PCDHGA2: variants seen among roughly 807,000 people sequenced by gnomAD.
PCDHGA2 encodes the protein protocadherin gamma subfamily A, 2.
PCDHGA2 carries 40 observed loss-of-function variants against 59.2 expected under a neutral mutation model. That is an observed-to-expected ratio of 0.68 (90% CI 0.52 to 0.88). The LOEUF is 0.88. Ranked by LOEUF, PCDHGA2 falls within the 40% of genes least tolerant of loss-of-function variation. PCDHGA2 has a pLI of 0.00. For synonymous variants in PCDHGA2, 560 were observed against 526.0 expected, an observed-to-expected ratio of 1.06 and a Z score of -0.89; for missense variants, 1,226 against 1,204.0, an observed-to-expected ratio of 1.02 and a Z score of -0.27.
At chr5:141,455,860 ATTATTTATTTATTTATTTAT>A (rs145569377) in intron 1 of PCDHGA2, among the ~76,000 whole-genome samples, 117 of 139,848 alleles carry the variant, frequency 8.4e-4, no homozygotes, top group Non-Finnish European at 9.4e-4. Flanking sequence ...AATTTCTTTT[ATTATTTATTTATTTATTTAT>A]TTATTTATTT....
chr5:141,431,460 A>C lies in PCDHGA2; in HGVS notation c.2425-63347A>C, dbSNP rs761879594. On this transcript the variant is annotated intron_variant, in intron 1 of 3. Coordinates refer to ENST00000394576, the MANE Select transcript of PCDHGA2 (RefSeq NM_018915.4). This position sits in a 1 kb window ranked among gnomAD's most constrained non-coding sequence, Gnocchi z 4.8. ...GCGCGCATCCGCGTGATGGTTCTGGATGCGAACGACAACGCACCAGCGTTT... is the reference window on the plus strand; with the variant it reads ...GCGCGCATCCGCGTGATGGTTCTGGCTGCGAACGACAACGCACCAGCGTTT... 8.1e-6 allele frequency: 13 copies of C among 1,613,676 alleles called. No individual in the cohort carries two copies. The highest frequency in any genetic ancestry group is 1.1e-5 in the Non-Finnish European group (13 of 1,179,984).
intron 1 of PCDHGA2, among the ~76,000 whole-genome samples, chr5:141,438,139 T>C (rs2097931816): frequency 6.6e-6 from 1 of 152,152 alleles, no homozygotes. Context: ...TGGCAAAAGA[T>C]AGCCAGCCTA....
At chr5:141,449,198 A>C (rs2098631518) in intron 1 of PCDHGA2, among the ~76,000 whole-genome samples, 1 of 152,188 alleles carries the variant, frequency 6.6e-6, no homozygotes, top group Non-Finnish European at 1.5e-5. Context: ...AAGAAGTGTT[A>C]ATTCTAACTT....
Position 141,486,200 on chromosome 5 carries a change from G to A in PCDHGA2, c.2425-8607G>A, listed in dbSNP as rs764874531. The stretch of plus-strand genomic sequence containing the variant: ...CAGCCTTCGAGTGGATCTGCTGGAC[G>A]TAAATGACAATGCCCCTTACATCAC... On this transcript the variant is annotated intron_variant, in intron 1 of 3. Transcript: ENST00000394576. The surrounding 1 kb of genome is among the most constrained non-coding windows in gnomAD (Gnocchi z 5.0). The A allele has an allele frequency of 2.0e-5, 32 of 1,614,096 alleles. No homozygotes were observed. Among genetic ancestry groups the A allele is most frequent in the Non-Finnish European group, 2.3e-5 (27 of 1,180,040 alleles).
chr5:141,366,534 T>C (rs1383417034), intron 1 of PCDHGA2: 2 of 1,614,264 alleles, frequency 1.2e-6, no homozygotes, highest in Non-Finnish European at 1.7e-6. Context: ...TTGGCGGGTG[T>C]GCCCGCCTCG....
At chr5:141,430,986 C>T (rs549700048) in intron 1 of PCDHGA2, 3 of 1,613,762 alleles carry the variant, frequency 1.9e-6, no homozygotes, top group East Asian at 2.2e-5. Flanking sequence ...CAGCTTTTCG[C>T]CCTGAATCCG....
At chr5:141,390,348 A>G in intron 1 of PCDHGA2, 1 of 1,572,378 alleles carries the variant, frequency 6.4e-7, no homozygotes, top group Middle Eastern at 1.7e-4. Flanking sequence ...ACAAGAAAAT[A>G]TACATATTTG....
At chr5:141,393,224 T>C in intron 1 of PCDHGA2, 1 of 1,613,670 alleles carries the variant, frequency 6.2e-7, no homozygotes, top group South Asian at 1.1e-5. Flanking sequence ...AGGTCGAAGA[T>C]CTAGAAGTAA....
At chr5:141,423,095 A>G (rs2096708889) in intron 1 of PCDHGA2, 3 of 1,613,978 alleles carry the variant, frequency 1.9e-6, no homozygotes, top group Non-Finnish European at 2.5e-6. Flanking sequence ...GTGGGGGAGC[A>G]CACGGGCGAG....
intron 1 of PCDHGA2, chr5:141,394,431 C>G: frequency 1.2e-6 from 2 of 1,614,252 alleles, no homozygotes; most frequent in Non-Finnish European, 1.7e-6. Context: ...CAGCGGGGAC[C>G]CGCCCCTCAG....
chr5:141,409,275 A>G (rs1266955919), intron 1 of PCDHGA2: 1 of 1,614,020 alleles, frequency 6.2e-7, no homozygotes, highest in South Asian at 1.1e-5. Flanking sequence ...CAGATTTTGG[A>G]GAATTCACCT....
Position 141,432,691 on chromosome 5 carries a change from G to T in PCDHGA2, c.2425-62116G>T. 1 of 1,613,942 alleles carries T rather than the reference G, an allele frequency of 6.2e-7. No individual in the cohort carries two copies. The highest frequency in any genetic ancestry group is 1.1e-5 in the South Asian group (1 of 91,068). On this transcript the variant is annotated intron_variant, in intron 1 of 3. Coordinates refer to ENST00000394576, the MANE Select transcript of PCDHGA2 (RefSeq NM_018915.4). This position sits in a 1 kb window ranked among gnomAD's most constrained non-coding sequence, Gnocchi z 6.0. ...ACGCGCTCAAGCAGAGCCTCGTAGT[G>T]GCCGTCCAGGACCACGGCCAGCCCC... is the stretch of plus-strand genomic sequence containing the variant.
At chr5:141,352,680 G>A in intron 1 of PCDHGA2, 1 of 1,568,674 alleles carries the variant, frequency 6.4e-7, no homozygotes, top group Non-Finnish European at 8.7e-7. Context: ...GTGAGTTTCT[G>A]CAAATCTAGT....
rs1438222047 is a variant in PCDHGA2, at chr5:141,340,330, C to A, written c.1359C>A (p.Ser453=). The change falls in exon 1 of 4, where the codon TCC becomes TCA. Residue 453 remains serine, a synonymous_variant. Transcript: ENST00000394576. The part of the protein sequence containing the change: ...ADINDNAPAF[S]RTSYSTYIPE... ...TCAACGACAACGCACCCGCCTTCTC[C>A]CGCACATCCTACTCCACCTACATTC... 6.2e-7 allele frequency: 1 copy of A among 1,614,042 alleles called. No homozygotes were observed. Among genetic ancestry groups the A allele is most frequent in the African/African-American group, 1.3e-5 (1 of 74,924 alleles).
At chr5:141,480,295 G>A (rs1190133739) in intron 1 of PCDHGA2, among the ~76,000 whole-genome samples, 2 of 133,330 alleles carry the variant, frequency 1.5e-5, no homozygotes, top group Admixed American at 7.4e-5. Context: ...TGCACCTGTG[G>A]TACCAGCTAC....
In PCDHGA2 at chr5:141,477,767, A is replaced by G. The variant is rs1178354274; in HGVS notation, c.2425-17040A>G. 6.2e-7 allele frequency: 1 copy of G among 1,613,906 alleles called. No homozygotes were observed. The highest frequency in any genetic ancestry group is 8.5e-7 in the Non-Finnish European group (1 of 1,180,038). On this transcript the variant is annotated intron_variant, in intron 1 of 3. Coordinates refer to ENST00000394576, the MANE Select transcript of PCDHGA2 (RefSeq NM_018915.4). The surrounding 1 kb of genome is among the most constrained non-coding windows in gnomAD (Gnocchi z 4.9). ...GGGCACCCCGGTCCTAGCCACCAAC[A>G]TCAGCGTGAACATATTTGTCACTGA...
intron 1 of PCDHGA2, chr5:141,399,951 C>A (rs749264259): frequency 6.2e-7 from 1 of 1,612,120 alleles, no homozygotes; most frequent in Non-Finnish European, 8.5e-7. Flanking sequence ...TGCAGGCTAG[C>A]GAGCCCGGGC....
intron 1 of PCDHGA2, chr5:141,410,789 A>C: frequency 1.3e-6 from 1 of 794,444 alleles, no homozygotes; most frequent in Non-Finnish European, 1.8e-6. Context: ...TATTTGGTTC[A>C]TAAGTTGCTC....
At position 141,491,971 on chromosome 5, in the gene PCDHGA2, T is replaced by C. The variant is rs62379205; in HGVS notation, c.2425-2836T>C. ...CCTACACTCAAAAAAGGCCGGGGCC[T>C]CCTTCGAGCTTCCGGTGAATTTCGG... is the stretch of plus-strand genomic sequence containing the variant. On this transcript the variant is annotated intron_variant, in intron 1 of 3. Coordinates refer to ENST00000394576, the MANE Select transcript of PCDHGA2 (RefSeq NM_018915.4). This position sits in a 1 kb window ranked among gnomAD's most constrained non-coding sequence, Gnocchi z 6.9. The C allele has an allele frequency of 0.2, 165,735 of 830,872 alleles. 17,637 individuals are homozygous for C. Among genetic ancestry groups the C allele is most frequent in the Admixed American group, 0.32 (8,466 of 26,688 alleles). 51.5% of individuals were successfully genotyped at this position (830,872 alleles called of 1,614,324 possible).
Sources: gnomAD v4.1 joint callset for allele counts (sites outside exome capture counted in the v4.1 genomes callset) on GRCh38, gnomAD v4.1.1 for gene constraint, Gnocchi (gnomAD v3.1) non-coding constraint, MANE v1.5 for transcripts, NCBI Gene and HGNC (gene_info 2026-07-23, HGNC 2026-07-21) for gene names.